Variants in GALNT2 observed in about 807,000 individuals in gnomAD.
GALNT2 encodes the protein polypeptide N-acetylgalactosaminyltransferase 2, also known as UDP-GalNAc:polypeptide N-acetylgalactosaminyltransferase 2.
Under a neutral mutation model 81.4 loss-of-function variants are expected in GALNT2, and 31 were observed. That is an observed-to-expected ratio of 0.38 (90% CI 0.29 to 0.51). GALNT2 has a LOEUF of 0.51. Among genes scored for constraint, GALNT2 ranks in the 20% least tolerant of loss-of-function variants. GALNT2 has a pLI of 0.87. For missense variants in GALNT2, 629 were observed against 765.7 expected (o/e 0.82, Z 2.11); for synonymous variants, 303 against 287.4 (o/e 1.05, Z -0.55).
At position 230,178,331 on chromosome 1, in the gene GALNT2, A is replaced by C; in HGVS notation, c.220+20A>C. 6.3e-7 allele frequency: 1 copy of C among 1,594,094 alleles called. No individual in the cohort carries two copies. On this transcript the variant is annotated intron_variant, in intron 2 of 15. Coordinates refer to ENST00000366672, the MANE Select transcript of GALNT2 (RefSeq NM_004481.5). ...CTCCAGGTACTGCCAGGGGCCAGGA[A>C]GCCATCTTGCTTTGAGCACGTGATT...
chr1:230,152,001 G>A (rs945983032), intron 1 of GALNT2, among the ~76,000 whole-genome samples: 1 of 152,176 alleles, frequency 6.6e-6, no homozygotes, highest in Non-Finnish European at 1.5e-5. Context: ...CAGTGAGGAC[G>A]ACCAGAGGTC....
intron 8 of GALNT2, 109 bp downstream of exon 8, chr1:230,246,259 T>A: frequency 2.3e-6 from 2 of 869,832 alleles, no homozygotes; most frequent in East Asian, 2.4e-5. Flanking sequence ...GTTCACGCCG[T>A]AGTGTGTGTT....
intron 2 of GALNT2, among the ~76,000 whole-genome samples, chr1:230,185,301 T>TGTGTGCACGCGC (rs58770415): frequency 7.9e-6 from 1 of 126,012 alleles, no homozygotes; most frequent in East Asian, 2.8e-4. Context: ...TGTGTGTGTG[T>TGTGTGCACGCGC]GCGCGCGTGT....
rs146561269 is a variant in GALNT2, at chr1:230,256,933, T to C, written c.1136+1589T>C. Reference sequence around the variant, plus strand: ...CAAGAGAACCTTTGAGGAGGTGTTATGTGAGTTCAGACTTGAAAGGTGGGA... The same window carrying C: ...CAAGAGAACCTTTGAGGAGGTGTTACGTGAGTTCAGACTTGAAAGGTGGGA... On this transcript the variant is annotated intron_variant, in intron 11 of 15. Coordinates refer to ENST00000366672, the MANE Select transcript of GALNT2 (RefSeq NM_004481.5). 6.6e-4 allele frequency among the ~76,000 whole-genome samples: 100 copies of C among 152,266 alleles called. 1 individual carries two copies. Among genetic ancestry groups the C allele is most frequent in the African/African-American group, 2.3e-3 (95 of 41,572 alleles).
In GALNT2 at chr1:230,067,255, G is replaced by A; in HGVS notation, c.-26G>A. ...CAGGCAGCACTCGCGAGCAGCGGCGGCCCCGCCGGCGGCCGAGTTGGGAGA... is the reference window on the plus strand; with the variant it reads ...CAGGCAGCACTCGCGAGCAGCGGCGACCCCGCCGGCGGCCGAGTTGGGAGA... On this transcript the variant is annotated 5_prime_UTR_variant, in exon 1 of 16. Transcript: ENST00000366672. The A allele has an allele frequency of 2.4e-6, 3 of 1,276,516 alleles. No individual in the cohort carries two copies. The highest frequency in any genetic ancestry group is 2.0e-6 in the Non-Finnish European group (2 of 1,004,104). The allele number at this position is 1,276,516 out of a possible 1,614,324, so 79.1% of individuals were successfully genotyped here. A position where few individuals can be genotyped will look rare whatever the true frequency, so the allele number is the denominator to read the frequency against.
chr1:230,182,132 A>G (rs1417526594), intron 2 of GALNT2, among the ~76,000 whole-genome samples: 1 of 151,184 alleles, frequency 6.6e-6, no homozygotes, highest in Non-Finnish European at 1.5e-5. Context: ...TTTCCTTTTC[A>G]CTTAGTCTGG....
intron 5 of GALNT2, 77 bp from the exon 6 acceptor site, chr1:230,236,583 T>C: frequency 2.0e-6 from 3 of 1,478,986 alleles, no homozygotes; most frequent in Non-Finnish European, 2.8e-6. Flanking sequence ...CCTTAGATGA[T>C]TGAGAATACT....
chr1:230,242,391 A>T (rs1339544770), intron 6 of GALNT2, among the ~76,000 whole-genome samples: 2 of 152,170 alleles, frequency 1.3e-5, no homozygotes, highest in Admixed American at 6.5e-5. Context: ...ACCCATTTTG[A>T]CTGTGGAAAA....
chr1:230,131,810 C>A (rs137996641), intron 1 of GALNT2, among the ~76,000 whole-genome samples: 148 of 152,330 alleles, frequency 9.7e-4, no homozygotes, highest in African/African-American at 3.3e-3. Context: ...AAGCAGCGAA[C>A]TGTTTCTCAT....
At chr1:230,227,406 A>G (rs1664746149) in intron 3 of GALNT2, among the ~76,000 whole-genome samples, 1 of 151,118 alleles carries the variant, frequency 6.6e-6, no homozygotes, top group Non-Finnish European at 1.5e-5. Context: ...GAAAATCCTA[A>G]ACCAAATACT....
intron 1 of GALNT2, among the ~76,000 whole-genome samples, chr1:230,102,834 G>C (rs1350942269): frequency 6.6e-6 from 1 of 152,242 alleles, no homozygotes; most frequent in African/African-American, 2.4e-5. Flanking sequence ...TCCAGTAGTT[G>C]TGGCAGGGCA....
chr1:230,153,345 G>T (rs535545393), intron 1 of GALNT2, among the ~76,000 whole-genome samples: 1 of 152,198 alleles, frequency 6.6e-6, no homozygotes, highest in African/African-American at 2.4e-5. Context: ...CCTTACATGC[G>T]GGAGTGTTTC....
chr1:230,161,834 A>G (rs1403539370), intron 1 of GALNT2, among the ~76,000 whole-genome samples: 2 of 152,114 alleles, frequency 1.3e-5, no homozygotes, highest in Non-Finnish European at 2.9e-5. Flanking sequence ...TCTATTACTT[A>G]TTTTACTTCT....
chr1:230,181,470 T>C (rs1663159240), intron 2 of GALNT2, among the ~76,000 whole-genome samples: 1 of 152,250 alleles, frequency 6.6e-6, no homozygotes, highest in Admixed American at 6.5e-5. Flanking sequence ...TAATTCTCTT[T>C]ATACATTGTT....
intron 3 of GALNT2, among the ~76,000 whole-genome samples, chr1:230,220,719 A>G (rs930108756): frequency 1.3e-5 from 2 of 152,148 alleles, no homozygotes; most frequent in African/African-American, 4.8e-5. Flanking sequence ...AAACGAAGGT[A>G]CTTTTGTTAG....
At chr1:230,097,128 C>G (rs1252346870) in intron 1 of GALNT2, among the ~76,000 whole-genome samples, 1 of 152,158 alleles carries the variant, frequency 6.6e-6, no homozygotes, top group Non-Finnish European at 1.5e-5. Flanking sequence ...ACGCCAAACC[C>G]TTTAATAAAA....
At chr1:230,104,110 T>C (rs1250894029) in intron 1 of GALNT2, among the ~76,000 whole-genome samples, 1 of 152,204 alleles carries the variant, frequency 6.6e-6, no homozygotes. Context: ...CTCCTGAGCG[T>C]CCTGAAGCTT....
At chr1:230,069,127 TAGAA>T (rs893679758) in intron 1 of GALNT2, among the ~76,000 whole-genome samples, 3 of 152,164 alleles carry the variant, frequency 2.0e-5, no homozygotes, top group African/African-American at 7.2e-5. Flanking sequence ...TACACGTGAT[TAGAA>T]AGAGCAAGCG....
At chr1:230,128,211 C>T (rs980324966) in intron 1 of GALNT2, among the ~76,000 whole-genome samples, 1 of 151,876 alleles carries the variant, frequency 6.6e-6, no homozygotes, top group Non-Finnish European at 1.5e-5. Flanking sequence ...TCTGTCACAT[C>T]GCACTCACCA....
Sources: gnomAD v4.1 joint callset for allele counts (sites outside exome capture counted in the v4.1 genomes callset) on GRCh38, gnomAD v4.1.1 for gene constraint, MANE v1.5 for transcripts, NCBI Gene and HGNC (gene_info 2026-07-23, HGNC 2026-07-21) for gene names.